Variants in PRKG1 observed in about 807,000 individuals in gnomAD.
PRKG1 encodes cGMP-dependent protein kinase 1.
A neutral mutation model predicts 88.1 loss-of-function variants in PRKG1; 35 were observed. That is an observed-to-expected ratio of 0.40 (90% CI 0.30 to 0.53). The LOEUF is 0.53. Among genes scored for constraint, PRKG1 ranks in the 20% least tolerant of loss-of-function variants. PRKG1 has a pLI of 0.59. For missense variants in PRKG1, 540 were observed against 839.8 expected, an observed-to-expected ratio of 0.64 and a Z score of 4.41; for synonymous variants, 303 against 292.5, an observed-to-expected ratio of 1.04 and a Z score of -0.37.
At chr10:51,618,998 A>G (rs1358014029) in intron 3 of PRKG1, among the ~76,000 whole-genome samples, 1 of 140,104 alleles carries the variant, frequency 7.1e-6, no homozygotes, top group Non-Finnish European at 1.5e-5. Context: ...GCTGGTCTCC[A>G]TCCCCTGACC....
chr10:51,552,088 A>G (rs1837152026), intron 3 of PRKG1, among the ~76,000 whole-genome samples: 1 of 151,680 alleles, frequency 6.6e-6, no homozygotes, highest in African/African-American at 2.4e-5. Context: ...TATACCCTAC[A>G]GACTCAGTGA....
At chr10:51,069,069 C>A (rs992862068) in intron 1 of PRKG1, among the ~76,000 whole-genome samples, 2 of 151,720 alleles carry the variant, frequency 1.3e-5, no homozygotes, top group African/African-American at 4.8e-5. Flanking sequence ...CTAGTTTAGC[C>A]TGAGACCCAA....
chr10:52,116,490 A>G (rs1847690712), intron 7 of PRKG1, among the ~76,000 whole-genome samples: 1 of 152,174 alleles, frequency 6.6e-6, no homozygotes, highest in Admixed American at 6.6e-5. Context: ...ATTAAGCCAC[A>G]GTAGAAAATT....
chr10:51,982,533 G>A (rs932734706), intron 5 of PRKG1, among the ~76,000 whole-genome samples: 5 of 152,152 alleles, frequency 3.3e-5, no homozygotes, highest in Admixed American at 2.0e-4. Flanking sequence ...GGTGCTATAA[G>A]GTGGGTTCAG....
chr10:51,372,807 T>C (rs1374924917), intron 2 of PRKG1, among the ~76,000 whole-genome samples: 1 of 152,158 alleles, frequency 6.6e-6, no homozygotes, highest in African/African-American at 2.4e-5. Flanking sequence ...TTCTGCTTCA[T>C]TTTATAAATA....
At chr10:51,075,276 G>T (rs949563312) in intron 1 of PRKG1, among the ~76,000 whole-genome samples, 11 of 152,204 alleles carry the variant, frequency 7.2e-5, no homozygotes, top group African/African-American at 2.7e-4. Context: ...CAGCCCAGCT[G>T]GAAAATCCTA....
At chr10:51,112,439 C>T (rs2131898876) in intron 1 of PRKG1, among the ~76,000 whole-genome samples, 1 of 152,170 alleles carries the variant, frequency 6.6e-6, no homozygotes, top group South Asian at 2.1e-4. Flanking sequence ...TAGATCCTTC[C>T]ACTAAAAATA....
intron 3 of PRKG1, among the ~76,000 whole-genome samples, chr10:51,722,003 A>C (rs1027185123): frequency 3.3e-5 from 5 of 152,194 alleles, no homozygotes; most frequent in African/African-American, 1.2e-4. Flanking sequence ...AGGCTGAGGC[A>C]GGTGGCTCAA....
chr10:51,344,360 T>C (rs1240773826), intron 2 of PRKG1, among the ~76,000 whole-genome samples: 1 of 152,144 alleles, frequency 6.6e-6, no homozygotes, highest in Non-Finnish European at 1.5e-5. Context: ...TCCACGAGAA[T>C]TCCACCTCAA....
intron 7 of PRKG1, among the ~76,000 whole-genome samples, chr10:52,112,872 C>T (rs1289433159): frequency 1.3e-5 from 2 of 152,068 alleles, no homozygotes; most frequent in African/African-American, 4.8e-5. Context: ...TCCAAGAAAA[C>T]ACTAAAAAAT....
chr10:51,566,142 C>T (rs188340104), intron 3 of PRKG1, among the ~76,000 whole-genome samples: 1 of 152,086 alleles, frequency 6.6e-6, no homozygotes, highest in Admixed American at 6.6e-5. Flanking sequence ...ATGTTTGAGT[C>T]CTAAGGAGGG....
At chr10:52,261,801 T>C (rs1841440254) in intron 10 of PRKG1, among the ~76,000 whole-genome samples, 1 of 152,110 alleles carries the variant, frequency 6.6e-6, no homozygotes. Context: ...ATAGAATTAG[T>C]ATTTTTTGTT....
chr10:51,879,662 A>G (rs1227889118), intron 4 of PRKG1, among the ~76,000 whole-genome samples: 1 of 152,176 alleles, frequency 6.6e-6, no homozygotes, highest in Non-Finnish European at 1.5e-5. Context: ...GTAGGAAACA[A>G]AAATCCTATG....
intron 2 of PRKG1, among the ~76,000 whole-genome samples, chr10:51,342,433 G>A (rs1842023145): frequency 6.6e-6 from 1 of 152,080 alleles, no homozygotes; most frequent in South Asian, 2.1e-4. Flanking sequence ...AACTTTCTAA[G>A]AGACACAGAA....
intron 4 of PRKG1, among the ~76,000 whole-genome samples, chr10:51,893,618 C>T (rs1841773924): frequency 6.6e-6 from 1 of 152,176 alleles, no homozygotes; most frequent in South Asian, 2.1e-4. Flanking sequence ...TAAGTACCCA[C>T]TACATGGCAT....
chr10:51,830,424 G>A (rs1380613124), intron 4 of PRKG1, among the ~76,000 whole-genome samples: 1 of 151,788 alleles, frequency 6.6e-6, no homozygotes, highest in Non-Finnish European at 1.5e-5. Flanking sequence ...TGGAAATTTT[G>A]TTCCAGGTCA....
At chr10:50,998,161 C>T (rs1178655589) in intron 1 of PRKG1, among the ~76,000 whole-genome samples, 2 of 152,172 alleles carry the variant, frequency 1.3e-5, no homozygotes, top group African/African-American at 4.8e-5. Context: ...AGTATTTCAT[C>T]CTTCTTTTAC....
chr10:52,188,692 T>C (rs1181287840), intron 9 of PRKG1, among the ~76,000 whole-genome samples: 1 of 152,232 alleles, frequency 6.6e-6, no homozygotes, highest in East Asian at 1.9e-4. Context: ...ACTTACATTA[T>C]GGCTACAGAT....
At chr10:51,416,545 C>T (rs1342096394) in intron 2 of PRKG1, among the ~76,000 whole-genome samples, 4 of 152,118 alleles carry the variant, frequency 2.6e-5, no homozygotes, top group Non-Finnish European at 1.5e-5. Context: ...GCCACCGGGA[C>T]ACAGTAATCT....
Sources: gnomAD v4.1 joint callset for allele counts (sites outside exome capture counted in the v4.1 genomes callset) on GRCh38, gnomAD v4.1.1 for gene constraint, MANE v1.5 for transcripts, NCBI Gene and HGNC (gene_info 2026-07-23, HGNC 2026-07-21) for gene names.